The following TAF1 variants were observed in gnomAD, a reference collection of about 807,000 sequenced individuals.
TAF1 encodes TATA-box binding protein associated factor 1, also known as transcription initiation factor TFIID subunit 1.
TAF1 carries 2 observed loss-of-function variants against 138.5 expected under a neutral mutation model. That is an observed-to-expected ratio of 0.01 (90% CI 0.01 to 0.05). TAF1 has a LOEUF of 0.05. TAF1 is among the 10% of genes least tolerant of loss of function. The pLI is 1.00. For synonymous variants in TAF1, 437 were observed against 503.2 expected, an observed-to-expected ratio of 0.87 and a Z score of 1.76; for missense variants, 709 against 1,478.0, an observed-to-expected ratio of 0.48 and a Z score of 8.53.
At chrX:71,400,623 T>G (rs1307203107) in intron 24 of TAF1, among the ~76,000 whole-genome samples, 1 of 112,079 alleles carries the variant, frequency 8.9e-6, no homozygotes, top group Non-Finnish European at 1.9e-5. Context: ...ACGGAAGATC[T>G]GAATTCAGGT....
chrX:71,503,332 A>ATATATGTGTG (rs1569408523), intron 13 of TAF1, among the ~76,000 whole-genome samples: 2 of 98,907 alleles, frequency 2.0e-5, no homozygotes, highest in African/African-American at 7.6e-5. Context: ...GTGTGTGTAT[A>ATATATGTGTG]TATATATATA....
At chrX:71,455,098 T>C (rs2038220340) in intron 34 of TAF1, 25 of 1,098,715 alleles carry the variant, frequency 2.3e-5, no homozygotes, top group Non-Finnish European at 3.0e-5. Flanking sequence ...CTTAGTTGTT[T>C]AGGCAGTGTT....
intron 9 of TAF1, among the ~76,000 whole-genome samples, chrX:71,382,264 CTG>C (rs1232810763): frequency 9.0e-6 from 1 of 111,140 alleles, no homozygotes; most frequent in African/African-American, 3.3e-5. Flanking sequence ...TCATGTAGGA[CTG>C]TCGGAAAGTA....
intron 23 of TAF1, among the ~76,000 whole-genome samples, chrX:71,398,109 G>A (rs1299144084): frequency 2.7e-5 from 3 of 111,512 alleles, no homozygotes; most frequent in Non-Finnish European, 5.7e-5. Context: ...GGAGGCTGAG[G>A]CGGGCGGATC....
intron 25 of TAF1, among the ~76,000 whole-genome samples, chrX:71,406,326 CAAAAAAAAAAAA>C (rs1173763080): frequency 3.2e-5 from 1 of 31,452 alleles, no homozygotes; most frequent in Non-Finnish European, 6.5e-5. Context: ...AACTACATCT[CAAAAAAAAAAAA>C]AAAAAAAAGA....
At chrX:71,441,178 C>A (rs1251637924) in intron 32 of TAF1, among the ~76,000 whole-genome samples, 1 of 110,669 alleles carries the variant, frequency 9.0e-6, no homozygotes, top group East Asian at 2.8e-4. Context: ...TGGTGCCAAG[C>A]CCCATCTGTA....
chrX:71,466,279 C>T (rs1484403059), downstream of TAF1: 1 of 111,684 alleles, frequency 9.0e-6, no homozygotes, highest in African/African-American at 3.3e-5. Flanking sequence ...TGGAGTCTCC[C>T]TCTGTTGCCC....
chrX:71,504,741 C>CAAAAAAAAAAAAAAAAAAAAAAAAAAAAA (rs41370846), intron 13 of TAF1, among the ~76,000 whole-genome samples: 12 of 5,706 alleles, frequency 2.1e-3, no homozygotes, highest in Admixed American at 5.5e-3. Flanking sequence ...GACCCTGTCT[C>CAAAAAAAAAAAAAAAAAAAAAAAAAAAAA]AAAAAAAAAA....
intron 18 of TAF1, among the ~76,000 whole-genome samples, chrX:71,390,924 G>A (rs2034522087): frequency 9.1e-6 from 1 of 110,328 alleles, no homozygotes; most frequent in Non-Finnish European, 1.9e-5. Context: ...GAACCTGGGA[G>A]GTGGAGGTTG....
At chrX:71,390,604 ACTC>A (rs1171647709) in intron 18 of TAF1, among the ~76,000 whole-genome samples, 7 of 110,760 alleles carry the variant, frequency 6.3e-5, no homozygotes, top group African/African-American at 2.3e-4. Flanking sequence ...GTAGCCTTGA[ACTC>A]CTGGGCTCAA....
chrX:71,385,068 T>C lies in TAF1; in HGVS notation c.2226+19T>C. ...GCTGCAAGTGAGGAATTCTTTCCTG[T>C]TTTTACTGTTAACTAAGGAAATTGA... On this transcript the variant is annotated intron_variant, in intron 14 of 37. Coordinates refer to ENST00000423759, the MANE Select transcript of TAF1 (RefSeq NM_004606.5). The C allele has an allele frequency of 8.9e-7, 1 of 1,129,833 alleles. No individual in the cohort carries two copies. The allele number at this position is 1,129,833 out of a possible 1,213,427, so 93.1% of individuals were successfully genotyped here. A position where few individuals can be genotyped will look rare whatever the true frequency, so the allele number is the denominator to read the frequency against.
chrX:71,483,740 ATCTCTCTCTC>A (rs1167670247), intron 13 of TAF1, among the ~76,000 whole-genome samples: 131 of 62,387 alleles, frequency 2.1e-3, no homozygotes, highest in African/African-American at 7.6e-3. Flanking sequence ...TATTGTGAAC[ATCTCTCTCTC>A]TCTCTCTCTC....
intron 14 of TAF1, among the ~76,000 whole-genome samples, chrX:71,386,383 C>A (rs1486804496): frequency 1.8e-5 from 2 of 111,609 alleles, no homozygotes; most frequent in African/African-American, 3.3e-5. Context: ...GTTCAGCTGT[C>A]CTCTGTCCTA....
At chrX:71,507,670 G>C (rs1420474103) in intron 13 of TAF1, among the ~76,000 whole-genome samples, 3 of 111,000 alleles carry the variant, frequency 2.7e-5, no homozygotes, top group Non-Finnish European at 5.7e-5. Flanking sequence ...GTCCAGGCTG[G>C]TGTTGAACTA....
intron 13 of TAF1, among the ~76,000 whole-genome samples, chrX:71,524,117 GC>G (rs2039954488): frequency 9.3e-6 from 1 of 107,009 alleles, no homozygotes; most frequent in African/African-American, 3.4e-5. Flanking sequence ...GACCTCCCAG[GC>G]TCAAGTGATC....
At chrX:71,494,870 A>G (rs1339014210) in intron 13 of TAF1, among the ~76,000 whole-genome samples, 1 of 112,222 alleles carries the variant, frequency 8.9e-6, no homozygotes, top group Non-Finnish European at 1.9e-5. Context: ...TGGGGTGGCC[A>G]GCTTTTATTC....
chrX:71,439,603 T>G (rs2037312254), intron 32 of TAF1, among the ~76,000 whole-genome samples: 1 of 112,233 alleles, frequency 8.9e-6, no homozygotes, highest in Non-Finnish European at 1.9e-5. Context: ...CTTAGGTACT[T>G]TTTTCTATGC....
chrX:71,482,504 A>AT (rs1395024753), intron 13 of TAF1, among the ~76,000 whole-genome samples: 2 of 112,414 alleles, frequency 1.8e-5, no homozygotes, highest in Non-Finnish European at 3.8e-5. Flanking sequence ...AGTCACAGGG[A>AT]TTTTTTTGTT....
intron 3 of TAF1, among the ~76,000 whole-genome samples, chrX:71,369,807 G>T (rs1356631464): frequency 9.3e-6 from 1 of 107,177 alleles, no homozygotes; most frequent in East Asian, 3.0e-4. Context: ...TAGAGATGGG[G>T]TTTCACTGTG....
Sources: gnomAD v4.1 joint callset for allele counts (sites outside exome capture counted in the v4.1 genomes callset) on GRCh38, gnomAD v4.1.1 for gene constraint, MANE v1.5 for transcripts, NCBI Gene and HGNC (gene_info 2026-07-23, HGNC 2026-07-21) for gene names.